The following ACAA2 variants were observed in gnomAD, a reference collection of about 807,000 sequenced individuals.
ACAA2 encodes acetyl-CoA acyltransferase 2.
A neutral mutation model predicts 44.8 loss-of-function variants in ACAA2; 35 were observed. The ratio of observed to expected loss-of-function variants is 0.78; its 90% CI spans 0.60 to 1.04. ACAA2 has a LOEUF of 1.04. Ranked by LOEUF, ACAA2 falls within the 50% of genes least tolerant of loss-of-function variation. The probability of loss-of-function intolerance (pLI) is 0.00; values close to 1 mark genes in which losing one functional copy is unlikely to be tolerated. For missense variants in ACAA2, 468 were observed against 482.6 expected (o/e 0.97, Z 0.28); for synonymous variants, 142 against 166.5 (o/e 0.85, Z 1.13).
intron 1 of ACAA2, among the ~76,000 whole-genome samples, chr18:49,804,315 T>C (rs993949879): frequency 2.0e-4 from 31 of 152,168 alleles, no homozygotes; most frequent in African/African-American, 7.2e-4. Flanking sequence ...AGAGATGTAG[T>C]TTCTAGAATA....
At chr18:49,796,829 G>GAAT (rs1183238237) in intron 3 of ACAA2, among the ~76,000 whole-genome samples, 1 of 152,000 alleles carries the variant, frequency 6.6e-6, no homozygotes. Flanking sequence ...TGTAAAATGG[G>GAAT]AATAATAATA....
rs750893424 is a variant in ACAA2, at chr18:49,792,151, C to T, written c.753+1G>A. On this transcript the variant is annotated splice_donor_variant, in intron 6 of 9. Coordinates refer to ENST00000285093, the MANE Select transcript of ACAA2 (RefSeq NM_006111.3). LOFTEE classifies it high-confidence loss of function. ...AAGCTAATCTGTGTGGTGATACCAA[C>T]CGATGCATTCCCTGCAGTAACAGTT... 6.2e-7 allele frequency: 1 copy of T among 1,611,792 alleles called. No individual in the cohort carries two copies.
chr18:49,795,542 GAGAT>G (rs1228401232), intron 4 of ACAA2, among the ~76,000 whole-genome samples: 6 of 152,206 alleles, frequency 3.9e-5, no homozygotes, highest in Admixed American at 3.3e-4. Flanking sequence ...GAGGTCTGCT[GAGAT>G]AGATAGAATC....
At chr18:49,785,587 A>G in intron 8 of ACAA2, 1 of 504,232 alleles carries the variant, frequency 2.0e-6, no homozygotes, top group Non-Finnish European at 3.5e-6. Context: ...CAGTAATCCC[A>G]TAAATTGACA....
chr18:49,797,392 T>TA, intron 3 of ACAA2, 74 bp downstream of exon 3: 9 of 1,405,258 alleles, frequency 6.4e-6, no homozygotes, highest in Non-Finnish European at 7.8e-6. Flanking sequence ...GCTAAAGTGT[T>TA]ATATTGCAGT....
chr18:49,793,464 G>A (rs2023429633), intron 5 of ACAA2, among the ~76,000 whole-genome samples: 1 of 152,192 alleles, frequency 6.6e-6, no homozygotes, highest in Non-Finnish European at 1.5e-5. Flanking sequence ...CGTGGTAGAA[G>A]TAGAAACAGA....
At chr18:49,789,800 G>A (rs1395199014) in intron 7 of ACAA2, among the ~76,000 whole-genome samples, 3 of 151,974 alleles carry the variant, frequency 2.0e-5, no homozygotes, top group East Asian at 1.9e-4. Context: ...CCTGGCCAAC[G>A]TGGAAAAACC....
At chr18:49,809,949 G>C (rs1012053042) in intron 1 of ACAA2, among the ~76,000 whole-genome samples, 1 of 152,104 alleles carries the variant, frequency 6.6e-6, no homozygotes, top group Non-Finnish European at 1.5e-5. Flanking sequence ...GTTAATAATA[G>C]GGGAAACGGA....
At position 49,785,275 on chromosome 18, in the gene ACAA2, T is replaced by A; in HGVS notation, c.1031A>T (p.Asn344Ile). 1 of 1,614,148 alleles carries A rather than the reference T, an allele frequency of 6.2e-7. No homozygotes were observed. Among genetic ancestry groups the A allele is most frequent in the South Asian group, 1.1e-5 (1 of 91,084 alleles). ...LDLDISKTNV[N>I]GGAIALGHPL... ...GTGACCCAAAGCAATGGCTCCTCCATTCACATTGGTTTTACTTATGTCAAG... is the reference window on the plus strand; with the variant it reads ...GTGACCCAAAGCAATGGCTCCTCCAATCACATTGGTTTTACTTATGTCAAG... The change falls in exon 9 of 10, where the codon AAT (asparagine) becomes ATT (isoleucine). Residue 344 changes from asparagine (N) to isoleucine (I), a missense_variant. By Grantham distance (149) the Asn-to-Ile change is moderately radical. Transcript: ENST00000285093.
At chr18:49,810,871 G>C (rs1421761732) in intron 1 of ACAA2, among the ~76,000 whole-genome samples, 2 of 147,660 alleles carry the variant, frequency 1.4e-5, no homozygotes, top group African/African-American at 2.5e-5. Context: ...ATTTTTTGTA[G>C]AGACTGGGTT....
At position 49,783,510 on chromosome 18, in the gene ACAA2, T is replaced by TA. The variant is rs2023289819; in HGVS notation, c.*336dup. ...ATGACAGGAAAATATTAACTGAAGT[T>TA]AAGGCAACATTTATTTGATTTCCTT... On this transcript the variant is annotated 3_prime_UTR_variant, in exon 10 of 10. Transcript: ENST00000285093. 5.3e-6 allele frequency: 1 copy of TA among 188,098 alleles called. No individual in the cohort carries two copies. Among genetic ancestry groups the TA allele is most frequent in the South Asian group, 1.6e-4 (1 of 6,404 alleles). 11.7% of individuals were successfully genotyped at this position (188,098 alleles called of 1,614,324 possible). A position where few individuals can be genotyped will look rare whatever the true frequency, so the allele number is the denominator to read the frequency against.
At chr18:49,799,350 G>C (rs141458320) in intron 2 of ACAA2, among the ~76,000 whole-genome samples, 3 of 150,166 alleles carry the variant, frequency 2.0e-5, no homozygotes, top group Non-Finnish European at 3.0e-5. Flanking sequence ...GAGTGCCTGC[G>C]ATTGCAGGCA....
intron 9 of ACAA2, among the ~76,000 whole-genome samples, chr18:49,784,576 T>A (rs1297487021): frequency 6.6e-6 from 1 of 152,192 alleles, no homozygotes. Flanking sequence ...AGAGTCACAT[T>A]TCCCCTGGCC....
chr18:49,786,354 A>G (rs1426595531), intron 8 of ACAA2: 1 of 152,004 alleles, frequency 6.6e-6, no homozygotes, highest in African/African-American at 2.4e-5. Flanking sequence ...ACAACTTCCC[A>G]AAGTTGATAT....
At chr18:49,802,902 C>T (rs1310583751) in intron 1 of ACAA2, 49 bp from the exon 2 acceptor site, 5 of 1,580,754 alleles carry the variant, frequency 3.2e-6, no homozygotes. Flanking sequence ...TAGTAAATAC[C>T]TCTAAATGCT....
At chr18:49,790,453 ATCC>A (rs901992539) in intron 7 of ACAA2, among the ~76,000 whole-genome samples, 36 of 152,334 alleles carry the variant, frequency 2.4e-4, no homozygotes, top group Admixed American at 7.2e-4. Flanking sequence ...GTAACAGGTT[ATCC>A]TCCTCCTCCT....
rs2023277942 is a variant in ACAA2 at position 49,782,526 on chromosome 18, T to TG, written c.*1320dup. On this transcript the variant is annotated 3_prime_UTR_variant, in exon 10 of 10. Coordinates refer to ENST00000285093, the MANE Select transcript of ACAA2 (RefSeq NM_006111.3). ...CTGTGCCACTGCAATTCTGCCTGGG[T>TG]GACAGAGCAAGATGCTATCTCAAAA... The TG allele has an allele frequency of 7.2e-6, 1 of 138,988 alleles. No homozygotes were observed. Among genetic ancestry groups the TG allele is most frequent in the Admixed American group, 7.7e-5 (1 of 12,946 alleles). The allele number at this position is 138,988 out of a possible 1,614,324, so 8.6% of individuals were successfully genotyped here. A position where few individuals can be genotyped will look rare whatever the true frequency, so the allele number is the denominator to read the frequency against.
At chr18:49,804,842 T>C (rs2023594470) in intron 1 of ACAA2, among the ~76,000 whole-genome samples, 1 of 152,222 alleles carries the variant, frequency 6.6e-6, no homozygotes, top group Non-Finnish European at 1.5e-5. Context: ...TATATGATTA[T>C]GATGTGAGTG....
intron 1 of ACAA2, chr18:49,812,618 C>T (rs1568593016): frequency 1.3e-5 from 2 of 152,218 alleles, no homozygotes; most frequent in Non-Finnish European, 2.9e-5. Flanking sequence ...GTCTCTTCGC[C>T]ATTACACAGA....
Sources: allele counts gnomAD v4.1 joint callset (sites outside exome capture counted in the v4.1 genomes callset), GRCh38; gene constraint gnomAD v4.1.1; transcripts MANE v1.5; gene names NCBI Gene and HGNC (gene_info 2026-07-23, HGNC 2026-07-21).